Variants in NUMBL observed in about 807,000 individuals in gnomAD.
The protein encoded by NUMBL is numb-like protein.
Under a neutral mutation model 48.9 loss-of-function variants are expected in NUMBL, and 20 were observed. The ratio of observed to expected loss-of-function variants is 0.41; its 90% confidence interval spans 0.29 to 0.59. The LOEUF is 0.59. Among genes scored for constraint, NUMBL ranks in the 20% least tolerant of loss-of-function variants. The pLI is 0.31. For synonymous variants in NUMBL, 340 were observed against 348.7 expected (o/e 0.98, Z 0.28); for missense variants, 660 against 846.2 (o/e 0.78, Z 2.73).
intron 6 of NUMBL, 98 bp from the exon 7 acceptor site, chr19:40,677,519 G>A (rs182880500): frequency 1.3e-4 from 142 of 1,097,828 alleles, no homozygotes; most frequent in African/African-American, 4.7e-5. Context: ...GGGTTGCCCC[G>A]GATGAGTCTC....
chr19:40,671,108 T>A (rs1267077997), intron 8 of NUMBL, among the ~76,000 whole-genome samples: 5 of 150,742 alleles, frequency 3.3e-5, no homozygotes, highest in Non-Finnish European at 7.4e-5. Context: ...GGACTACAGG[T>A]GCATGCCACT....
At chr19:40,670,887 G>A (rs1182383205) in intron 8 of NUMBL, among the ~76,000 whole-genome samples, 1 of 152,200 alleles carries the variant, frequency 6.6e-6, no homozygotes, top group Non-Finnish European at 1.5e-5. Context: ...GGTGTGCATG[G>A]ATCTGCACAT....
In NUMBL at chr19:40,690,567, G is replaced by A; in HGVS notation, c.-84C>T. The A allele has an allele frequency of 1.1e-6, 1 of 885,418 alleles. No individual in the cohort carries two copies. The highest frequency in any genetic ancestry group is 1.5e-6 in the Non-Finnish European group (1 of 674,942). 54.8% of individuals were successfully genotyped at this position (885,418 alleles called of 1,614,324 possible). ...TGCTGCTGCGGTGGTGGCGGCGGCA[G>A]CTCGGTCTGACGCCGGCCAGGGCCC... is the stretch of plus-strand genomic sequence containing the variant. On this transcript the variant is annotated 5_prime_UTR_variant, in exon 1 of 10. Transcript: ENST00000252891.
rs1257741192 is a variant in NUMBL at position 40,684,561 on chromosome 19, T to C, written c.110-5A>G. 28 of 1,604,674 alleles carry C rather than the reference T, an allele frequency of 1.7e-5. No homozygotes were observed. In the East Asian group the frequency reaches 6.3e-4, roughly 36 times the overall value. ...TGTTCATGGTGCCCGCCCCGTCTGG[T>C]GACACAGGACAGTGATGTGGGTCAA... On this transcript the variant is annotated splice_region_variant and splice_polypyrimidine_tract_variant and intron_variant, in intron 2 of 9. Transcript: ENST00000252891.
intron 6 of NUMBL, among the ~76,000 whole-genome samples, chr19:40,680,530 C>A (rs1312851377): frequency 6.6e-6 from 1 of 152,030 alleles, no homozygotes; most frequent in Non-Finnish European, 1.5e-5. Context: ...CTCACTGCAA[C>A]CTCCACCTCC....
chr19:40,684,108 G>A (rs2144664851), intron 3 of NUMBL: 2 of 178,758 alleles, frequency 1.1e-5, no homozygotes, highest in South Asian at 1.0e-4. Context: ...CTGCTCTGTC[G>A]CCCAGGCTGG....
intron 8 of NUMBL, 80 bp from the exon 9 acceptor site, chr19:40,670,100 T>TG: frequency 6.5e-7 from 1 of 1,526,882 alleles, no homozygotes. Flanking sequence ...CCGCCCTCGG[T>TG]GGCCCTCTCT....
chr19:40,684,868 A>C (rs947088919), intron 2 of NUMBL: 7 of 334,350 alleles, frequency 2.1e-5, no homozygotes, highest in African/African-American at 1.3e-4. Flanking sequence ...CTTCTTGTCC[A>C]TGTGGTGGAT....
intron 8 of NUMBL, among the ~76,000 whole-genome samples, chr19:40,672,274 C>T (rs189896155): frequency 2.0e-5 from 3 of 152,276 alleles, no homozygotes; most frequent in East Asian, 3.9e-4. Flanking sequence ...TTTTCCCCCA[C>T]GGAGCTCTTT....
chr19:40,675,937 C>A lies in NUMBL; in HGVS notation c.730+1295G>T, dbSNP rs557242650. 9.9e-5 allele frequency among the ~76,000 whole-genome samples: 15 copies of A among 152,016 alleles called. No individual in the cohort carries two copies. The East Asian group carries it at 2.9e-3, about 29-fold the overall frequency. ...TTGGAGTGTGGTGGTGCAATCGCAGCTCTCTGCAGCCTCTACCTCCTGGGC... is the reference window on the plus strand; with the variant it reads ...TTGGAGTGTGGTGGTGCAATCGCAGATCTCTGCAGCCTCTACCTCCTGGGC... On this transcript the variant is annotated intron_variant, in intron 7 of 9. Transcript: ENST00000252891.
At chr19:40,669,775 G>T in intron 9 of NUMBL, 123 bp downstream of exon 9, 2 of 1,276,538 alleles carry the variant, frequency 1.6e-6, no homozygotes, top group South Asian at 1.5e-5. Flanking sequence ...TGGCTCTGAG[G>T]TGATCCATGG....
intron 1 of NUMBL, 124 bp downstream of exon 1, chr19:40,690,336 C>T (rs964247654): frequency 8.8e-5 from 47 of 532,872 alleles, no homozygotes; most frequent in Admixed American, 8.6e-4. Context: ...GACCCCCACC[C>T]GGGACCACCC....
intron 1 of NUMBL, 194 bp downstream of exon 1, chr19:40,690,266 C>A: frequency 2.7e-6 from 1 of 373,896 alleles, no homozygotes; most frequent in Middle Eastern, 4.3e-4. Flanking sequence ...AAGAGATGGC[C>A]CAGGGGTCTG....
At chr19:40,670,142 T>C in intron 8 of NUMBL, 122 bp from the exon 9 acceptor site, 3 of 1,222,266 alleles carry the variant, frequency 2.5e-6, no homozygotes, top group Non-Finnish European at 3.3e-6. Context: ...CTGTAGTAAC[T>C]AAGTGGCCAT....
intron 1 of NUMBL, among the ~76,000 whole-genome samples, chr19:40,689,874 G>A (rs2081954827): frequency 6.6e-6 from 1 of 151,786 alleles, no homozygotes; most frequent in Non-Finnish European, 1.5e-5. Context: ...CCAGGCACAG[G>A]GACCTTGTTT....
chr19:40,675,015 C>T (rs184939482), intron 7 of NUMBL, among the ~76,000 whole-genome samples: 25 of 151,964 alleles, frequency 1.6e-4, no homozygotes, highest in East Asian at 3.9e-4. Flanking sequence ...TGGTGGCACA[C>T]GCCTGGGATT....
chr19:40,686,719 T>C (rs1270366712), intron 2 of NUMBL, among the ~76,000 whole-genome samples, 192 bp downstream of exon 2: 1 of 148,896 alleles, frequency 6.7e-6, no homozygotes, highest in East Asian at 2.0e-4. Flanking sequence ...GACTCTGCAC[T>C]TGAGGCTGTA....
intron 2 of NUMBL, chr19:40,685,454 T>C (rs2081929606): frequency 1.9e-5 from 3 of 153,898 alleles, no homozygotes; most frequent in African/African-American, 4.8e-5. Flanking sequence ...TGGTGTAGGA[T>C]AGTGTGCATC....
intron 9 of NUMBL, among the ~76,000 whole-genome samples, chr19:40,669,333 C>A (rs573071982): frequency 6.5e-4 from 99 of 152,066 alleles, no homozygotes; most frequent in African/African-American, 2.2e-3. Context: ...CTGAGATGAT[C>A]CATGGCTCTA....
Sources: allele counts gnomAD v4.1 joint callset (sites outside exome capture counted in the v4.1 genomes callset), GRCh38; gene constraint gnomAD v4.1.1; transcripts MANE v1.5; gene names NCBI Gene and HGNC (gene_info 2026-07-23, HGNC 2026-07-21).